The following PFKP variants were observed in gnomAD, a reference collection of about 807,000 sequenced individuals.
The protein encoded by PFKP is ATP-dependent 6-phosphofructokinase, platelet type.
In PFKP, 101 loss-of-function variants were observed where a neutral mutation model predicts 94.3. The ratio of observed to expected loss-of-function variants is 1.07; its 90% CI spans 0.91 to 1.26. The LOEUF (loss-of-function observed/expected upper bound fraction) is 1.26. PFKP is among the 50% of genes most tolerant of loss of function. The pLI is 0.00. For synonymous variants in PFKP, 573 were observed against 432.6 expected (o/e 1.32, Z -4.03); for missense variants, 1,145 against 1,103.3 (o/e 1.04, Z -0.53).
intron 16 of PFKP, chr10:3,125,093 T>G: frequency 7.9e-7 from 1 of 1,272,514 alleles, no homozygotes; most frequent in Non-Finnish European, 1.0e-6. Context: ...CCCTGCTGCT[T>G]CAGGCTTACA....
At position 3,118,846 on chromosome 10, in the gene PFKP, C is replaced by G; in HGVS notation, c.1507C>G (p.Leu503Val). 1 of 1,613,342 alleles carries G rather than the reference C, an allele frequency of 6.2e-7. No individual in the cohort carries two copies. The highest frequency in any genetic ancestry group is 8.5e-7 in the Non-Finnish European group (1 of 1,179,486). ...GATGCGCACGCACAGCATCAACGCGCTGCTGATCATCGGTGGATTCGAGGT... is the reference window on the plus strand; with the variant it reads ...GATGCGCACGCACAGCATCAACGCGGTGCTGATCATCGGTGGATTCGAGGT... ...TQMRTHSINA[L>V]LIIGGFEAYL... The change falls in exon 15 of 22, where the codon CTG becomes GTG. Residue 503 changes from leucine to valine, a missense_variant. By Grantham distance (32) the Leu-to-Val change is conservative. Transcript: ENST00000381125.
chr10:3,099,112 A>G (rs1371697304), intron 2 of PFKP, among the ~76,000 whole-genome samples, 163 bp from the exon 3 acceptor site: 1 of 152,218 alleles, frequency 6.6e-6, no homozygotes, highest in Non-Finnish European at 1.5e-5. Flanking sequence ...CTTTCCCACA[A>G]TTCACTGCTT....
Position 3,083,392 on chromosome 10 carries a change from ATTTAATG to A in PFKP, c.186+937_186+943del, listed in dbSNP as rs1450530825. Among the ~76,000 whole-genome samples the A allele has an allele frequency of 1.6e-4, 22 of 141,122 alleles. No individual in the cohort carries two copies. The East Asian group carries it at 4.2e-3, about 27-fold the overall frequency. 92.6% of individuals were successfully genotyped at this position (141,122 alleles called of 152,430 possible). ...AATTTCAGAAATTATTAGGAAAAATATTTAATGTTTAAATTTATAAAACATAGCTTTA... is the reference window on the plus strand; with the variant it reads ...AATTTCAGAAATTATTAGGAAAAATATTTAAATTTATAAAACATAGCTTTA... On this transcript the variant is annotated intron_variant, in intron 2 of 21. Coordinates refer to ENST00000381125, the MANE Select transcript of PFKP (RefSeq NM_002627.5).
chr10:3,080,528 A>AAAAAAG, intron 1 of PFKP, among the ~76,000 whole-genome samples: 1 of 150,534 alleles, frequency 6.6e-6, no homozygotes, highest in African/African-American at 2.4e-5. Flanking sequence ...AAAAAAAAAA[A>AAAAAAG]AAAAAAAAAA....
chr10:3,135,793 T>C lies in PFKP; in HGVS notation c.2180T>C (p.Val727Ala), dbSNP rs1564364911. ...GTGCTGGGAATAAGCAAAAGAAACG[T>C]TATTTTTCAACCTGTGGCAGAGCTG... Reference protein sequence around the residue: ...ICVLGISKRNVIFQPVAELKK... With the variant: ...ICVLGISKRNAIFQPVAELKK... The change falls in exon 21 of 22, where the codon GTT (valine) becomes GCT (alanine). Residue 727 changes from valine to alanine, a missense_variant. By Grantham distance (64) the Val-to-Ala change is moderately conservative. This residue lies in a region of PFKP where 1,119 missense variants were observed against 1,062.8 expected (regional missense o/e 1.05). Coordinates refer to ENST00000381125, the MANE Select transcript of PFKP (RefSeq NM_002627.5). 6.2e-7 allele frequency: 1 copy of C among 1,613,878 alleles called. No homozygotes were observed. Among genetic ancestry groups the C allele is most frequent in the South Asian group, 1.1e-5 (1 of 91,052 alleles).
At chr10:3,115,331 CGGAGGA>C (rs1836688354) in intron 13 of PFKP, among the ~76,000 whole-genome samples, 1 of 93,046 alleles carries the variant, frequency 1.1e-5, no homozygotes, top group African/African-American at 4.7e-5. Context: ...TGTCCCACGG[CGGAGGA>C]CAGGACTGGG....
intron 2 of PFKP, among the ~76,000 whole-genome samples, chr10:3,094,651 C>T (rs1834334755): frequency 6.6e-6 from 1 of 152,116 alleles, no homozygotes; most frequent in Admixed American, 6.5e-5. Context: ...GATTCCTGGC[C>T]TTTGAAAACC....
intron 17 of PFKP, among the ~76,000 whole-genome samples, chr10:3,131,822 A>G (rs1206573777): frequency 6.6e-6 from 1 of 152,098 alleles, no homozygotes; most frequent in South Asian, 2.1e-4. Context: ...AAAAACCTCC[A>G]TTTTCTTAGG....
At chr10:3,134,861 G>A (rs988193291) in intron 20 of PFKP, among the ~76,000 whole-genome samples, 7 of 152,204 alleles carry the variant, frequency 4.6e-5, no homozygotes, top group South Asian at 2.1e-4. Context: ...GATCCTGAAC[G>A]TTGGCCAGCA....
chr10:3,133,211 G>A lies in PFKP; in HGVS notation c.1919G>A (p.Ser640Asn). 6.2e-7 allele frequency: 1 copy of A among 1,612,836 alleles called. No homozygotes were observed. Among genetic ancestry groups the A allele is most frequent in the Non-Finnish European group, 8.5e-7 (1 of 1,178,822 alleles). Residue 640 changes from serine (S) to asparagine (N), a missense_variant, in exon 19 of 22, where the codon AGC becomes AAC. This residue lies in a region of PFKP where 1,119 missense variants were observed against 1,062.8 expected (regional missense o/e 1.05). Coordinates refer to ENST00000381125, the MANE Select transcript of PFKP (RefSeq NM_002627.5). ...IQRGLVLRNESCSENYTTDFI... is the reference protein window; with the variant it reads ...IQRGLVLRNENCSENYTTDFI... ...CTTCTCGCTCGTTTCAGAAATGAGA[G>A]CTGCAGTGAAAACTACACCACCGAC... is the stretch of plus-strand genomic sequence containing the variant.
rs768826551 is a variant in PFKP at position 3,120,027 on chromosome 10, C to G, written c.1666C>G (p.Leu556Val). ...SDFSIGADTALNTITDTCDRI... is the reference protein window; with the variant it reads ...SDFSIGADTAVNTITDTCDRI... ...TTTCAGCATCGGGGCAGACACCGCC[C>G]TGAACACTATCACCGACGTAAGTCC... The change falls in exon 16 of 22, where the codon CTG (leucine) becomes GTG (valine). Residue 556 changes from leucine to valine, a missense_variant. By Grantham distance (32) the Leu-to-Val change is conservative. Coordinates refer to ENST00000381125, the MANE Select transcript of PFKP (RefSeq NM_002627.5). 7 of 1,614,150 alleles carry G rather than the reference C, an allele frequency of 4.3e-6. No individual in the cohort carries two copies. In the South Asian group the frequency reaches 7.7e-5, roughly 18 times the overall value.
At chr10:3,109,544 G>T in intron 10 of PFKP, 64 bp downstream of exon 10, 1 of 1,566,000 alleles carries the variant, frequency 6.4e-7, no homozygotes, top group South Asian at 1.1e-5. Context: ...TGCTTGTCAG[G>T]CCAGCCTGGG....
At chr10:3,111,167 G>A (rs1032205937) in intron 10 of PFKP, among the ~76,000 whole-genome samples, 1 of 151,786 alleles carries the variant, frequency 6.6e-6, no homozygotes, top group South Asian at 2.1e-4. Context: ...TGTTTATATG[G>A]ATGTGTGTGT....
At chr10:3,103,992 T>C (rs763684431) in intron 5 of PFKP, 48 bp downstream of exon 5, 1 of 1,568,816 alleles carries the variant, frequency 6.4e-7, no homozygotes, top group Non-Finnish European at 8.7e-7. Flanking sequence ...GCCCGACGTG[T>C]GCCCAGCTCA....
At chr10:3,113,583 C>G (rs553191343) in intron 13 of PFKP, 65 bp downstream of exon 13, 2 of 1,464,690 alleles carry the variant, frequency 1.4e-6, no homozygotes, top group Non-Finnish European at 1.9e-6. Flanking sequence ...GACGTGGCGG[C>G]GGGGGGGTGC....
intron 5 of PFKP, chr10:3,104,886 G>A (rs149833561): frequency 3.3e-6 from 2 of 609,880 alleles, no homozygotes; most frequent in Admixed American, 3.0e-5. Flanking sequence ...GAGCGCAGAG[G>A]TGGCTCAAGT....
chr10:3,105,347 G>GT, intron 6 of PFKP, 46 bp from the exon 7 acceptor site: 1 of 1,523,114 alleles, frequency 6.6e-7, no homozygotes, highest in Non-Finnish European at 9.1e-7. Flanking sequence ...TGCCCTCGTG[G>GT]GAAGGATCCT....
chr10:3,134,280 C>T (rs1388591739), intron 19 of PFKP, among the ~76,000 whole-genome samples: 2 of 152,194 alleles, frequency 1.3e-5, no homozygotes, highest in African/African-American at 4.8e-5. Flanking sequence ...TTAAAATCCT[C>T]ATCTTACTGA....
intron 8 of PFKP, chr10:3,107,688 G>T (rs1835775748): frequency 1.0e-6 from 1 of 963,366 alleles, no homozygotes; most frequent in Non-Finnish European, 1.2e-6. Flanking sequence ...AGTGGGAAAA[G>T]GCGGCGTCTT....
Sources: gnomAD v4.1 joint callset for allele counts (sites outside exome capture counted in the v4.1 genomes callset) on GRCh38, gnomAD v4.1.1 for gene constraint, gnomAD v4.1.1 regional missense constraint, MANE v1.5 for transcripts, NCBI Gene and HGNC (gene_info 2026-07-23, HGNC 2026-07-21) for gene names.